Variants in DSCAM observed in about 807,000 individuals in gnomAD.
The protein encoded by DSCAM is cell adhesion molecule DSCAM.
Under a neutral mutation model 217.7 loss-of-function variants are expected in DSCAM, and 47 were observed. That is an observed-to-expected ratio of 0.22 (90% CI 0.17 to 0.28). DSCAM has a LOEUF of 0.28. Ranked by LOEUF, DSCAM falls within the 10% of genes least tolerant of loss-of-function variation. The pLI is 1.00. For synonymous variants in DSCAM, 1,056 were observed against 1,015.3 expected (o/e 1.04, Z -0.76); for missense variants, 2,080 against 2,618.3 (o/e 0.79, Z 4.49).
At chr21:40,305,832 T>G (rs1160960975) in intron 9 of DSCAM, among the ~76,000 whole-genome samples, 1 of 152,178 alleles carries the variant, frequency 6.6e-6, no homozygotes, top group Non-Finnish European at 1.5e-5. Context: ...CCATGCTGTT[T>G]TGGTTACTGT....
chr21:40,088,270 G>T (rs1332788915), intron 21 of DSCAM, among the ~76,000 whole-genome samples: 1 of 152,124 alleles, frequency 6.6e-6, no homozygotes, highest in Non-Finnish European at 1.5e-5. Flanking sequence ...AACTGATTCA[G>T]AGCCCATAAA....
chr21:40,464,958 A>C (rs2145955870), intron 3 of DSCAM, among the ~76,000 whole-genome samples: 1 of 152,104 alleles, frequency 6.6e-6, no homozygotes, highest in South Asian at 2.1e-4. Flanking sequence ...CTAGGATGGT[A>C]TCGATCTCTT....
intron 3 of DSCAM, among the ~76,000 whole-genome samples, chr21:40,464,601 T>C (rs2075829513): frequency 6.6e-6 from 1 of 152,204 alleles, no homozygotes; most frequent in Non-Finnish European, 1.5e-5. Flanking sequence ...AGGGTACTCC[T>C]GTCCAGCCCA....
intron 11 of DSCAM, among the ~76,000 whole-genome samples, chr21:40,256,277 C>T (rs889482786): frequency 7.2e-5 from 11 of 152,120 alleles, no homozygotes; most frequent in African/African-American, 2.7e-4. Flanking sequence ...GGTATTTAGG[C>T]TGTGGGTGCT....
intron 11 of DSCAM, among the ~76,000 whole-genome samples, chr21:40,192,442 C>G (rs1201358723): frequency 1.3e-5 from 2 of 152,200 alleles, no homozygotes; most frequent in Admixed American, 6.5e-5. Flanking sequence ...CCGCCCTTTA[C>G]TCTGCACTTC....
In DSCAM at chr21:40,055,715, G is replaced by A; in HGVS notation, c.5035+10C>T. The A allele has an allele frequency of 6.2e-7, 1 of 1,603,738 alleles. No homozygotes were observed. The highest frequency in any genetic ancestry group is 8.5e-7 in the Non-Finnish European group (1 of 1,171,264). On this transcript the variant is annotated intron_variant, in intron 29 of 32. Coordinates refer to ENST00000400454, the MANE Select transcript of DSCAM (RefSeq NM_001389.5). Reference sequence around the variant, plus strand: ...CCACTTTGTGTAAAGTGGCAAATAGGGCAGCTTACCAATGGTCTCCATCGT... The same window carrying A: ...CCACTTTGTGTAAAGTGGCAAATAGAGCAGCTTACCAATGGTCTCCATCGT...
intron 3 of DSCAM, among the ~76,000 whole-genome samples, chr21:40,654,885 C>CGCACA (rs2090056415): frequency 6.6e-6 from 1 of 152,146 alleles, no homozygotes; most frequent in African/African-American, 2.4e-5. Flanking sequence ...AATTAGGACA[C>CGCACA]GCACATCTTT....
At chr21:40,842,600 C>G (rs887498793) in intron 1 of DSCAM, among the ~76,000 whole-genome samples, 4 of 152,144 alleles carry the variant, frequency 2.6e-5, no homozygotes, top group African/African-American at 9.7e-5. Context: ...CTCTCTCAAT[C>G]AAGTTTTAAT....
chr21:40,060,248 T>C (rs2089094786), intron 28 of DSCAM, among the ~76,000 whole-genome samples: 1 of 152,194 alleles, frequency 6.6e-6, no homozygotes, highest in African/African-American at 2.4e-5. Context: ...CAACAGATGG[T>C]CTTGCAACCA....
At chr21:40,569,647 A>T (rs945863144) in intron 3 of DSCAM, among the ~76,000 whole-genome samples, 1 of 152,144 alleles carries the variant, frequency 6.6e-6, no homozygotes, top group Non-Finnish European at 1.5e-5. Context: ...TCAGATTTCT[A>T]TCTGTCCCCT....
At chr21:40,490,816 C>A (rs1601686074) in intron 3 of DSCAM, among the ~76,000 whole-genome samples, 1 of 152,366 alleles carries the variant, frequency 6.6e-6, no homozygotes, top group South Asian at 2.1e-4. Flanking sequence ...TCTATTCACA[C>A]AAGGATTCCT....
chr21:40,740,720 G>A (rs759501213), intron 1 of DSCAM, among the ~76,000 whole-genome samples: 6 of 152,128 alleles, frequency 3.9e-5, no homozygotes, highest in Non-Finnish European at 7.4e-5. Flanking sequence ...AGACACACTG[G>A]GGCTGAGAGG....
At chr21:40,490,707 C>T (rs2076070023) in intron 3 of DSCAM, among the ~76,000 whole-genome samples, 1 of 152,160 alleles carries the variant, frequency 6.6e-6, no homozygotes, top group South Asian at 2.1e-4. Flanking sequence ...TGTTAATGTG[C>T]TTTCTTTGCT....
intron 3 of DSCAM, among the ~76,000 whole-genome samples, chr21:40,638,620 G>T (rs2178846): frequency 2.0e-5 from 3 of 152,120 alleles, no homozygotes; most frequent in Admixed American, 6.5e-5. Flanking sequence ...TTTCAAGCAC[G>T]GCGAGGCTGG....
At chr21:40,132,118 G>A (rs2090160103) in intron 19 of DSCAM, among the ~76,000 whole-genome samples, 1 of 152,198 alleles carries the variant, frequency 6.6e-6, no homozygotes, top group Non-Finnish European at 1.5e-5. Flanking sequence ...GCCTAGCAAT[G>A]TAAAAAGGAG....
chr21:40,380,995 G>A (rs745740810), intron 3 of DSCAM, among the ~76,000 whole-genome samples: 3 of 146,184 alleles, frequency 2.1e-5, no homozygotes, highest in Non-Finnish European at 3.0e-5. Context: ...CCCGGGAGGC[G>A]GAGCCTGCAG....
At chr21:40,017,771 C>CG (rs1174158111) in intron 32 of DSCAM, among the ~76,000 whole-genome samples, 1 of 152,202 alleles carries the variant, frequency 6.6e-6, no homozygotes. Context: ...AGGCTGGTCT[C>CG]ATATTCCTGA....
chr21:40,532,886 G>A (rs1044500247), intron 3 of DSCAM, among the ~76,000 whole-genome samples: 3 of 151,230 alleles, frequency 2.0e-5, no homozygotes, highest in African/African-American at 7.3e-5. Flanking sequence ...GTGTGTGTGT[G>A]TGTGTGTGTG....
At chr21:40,235,935 G>C (rs1439143472) in intron 11 of DSCAM, among the ~76,000 whole-genome samples, 1 of 152,186 alleles carries the variant, frequency 6.6e-6, no homozygotes, top group Non-Finnish European at 1.5e-5. Flanking sequence ...TCAAAAGTAA[G>C]GTTGTTTTGC....
Sources: allele counts gnomAD v4.1 joint callset (sites outside exome capture counted in the v4.1 genomes callset), GRCh38; gene constraint gnomAD v4.1.1; transcripts MANE v1.5; gene names NCBI Gene and HGNC (gene_info 2026-07-23, HGNC 2026-07-21).